Variants in MYO1H observed in about 807,000 individuals in gnomAD.
MYO1H encodes the protein myosin IH, also known as unconventional myosin-Ih.
In MYO1H, 118 loss-of-function variants were observed where a neutral mutation model predicts 149.3. The observed-to-expected ratio is 0.79, with a 90% confidence interval of 0.68 to 0.92. The LOEUF (loss-of-function observed/expected upper bound fraction) is 0.92, where lower values mean the gene tolerates loss of function less well. Ranked by LOEUF, MYO1H falls within the 40% of genes least tolerant of loss-of-function variation. MYO1H has a pLI of 0.00. For missense variants in MYO1H, 1,212 were observed against 1,280.7 expected (o/e 0.95, Z 0.82); for synonymous variants, 447 against 465.2 (o/e 0.96, Z 0.50).
the MYO1H span, among the ~76,000 whole-genome samples, chr12:109,318,528 A>G: frequency 6.6e-6 from 1 of 152,186 alleles, no homozygotes; most frequent in Non-Finnish European, 1.5e-5. Flanking sequence ...AGTGGCTCTC[A>G]TGCTTCCCCA....
At chr12:109,406,729 TAATAAA>T (rs1414153126) in intron 8 of MYO1H, 54 bp from the exon 9 acceptor site, 1 of 1,520,908 alleles carries the variant, frequency 6.6e-7, no homozygotes, top group African/African-American at 1.4e-5. Flanking sequence ...TCTAAAAAAA[TAATAAA>T]AAGCAAGTAA....
At chr12:109,393,256 C>A in intron 2 of MYO1H, 75 bp from the exon 3 acceptor site, 1 of 889,074 alleles carries the variant, frequency 1.1e-6, no homozygotes, top group Non-Finnish European at 1.8e-6. Context: ...GTGGAATGAA[C>A]ACATGGGGAT....
chr12:109,443,393 C>T (rs34585238), intron 27 of MYO1H, 121 bp from the exon 28 acceptor site: 237,518 of 852,356 alleles, frequency 0.28, 40,528 homozygotes, highest in Middle Eastern at 0.37. Context: ...CACACACACA[C>T]ATACACGCAA....
exon 26 of MYO1H, chr12:109,441,662 C>T (rs531620732): frequency 3.7e-6 from 6 of 1,613,188 alleles, no homozygotes; most frequent in Non-Finnish European, 5.1e-6. Context: ...GAAGGAAAGA[C>T]GGCTACACAG....
At chr12:109,313,882 T>G in the MYO1H span, among the ~76,000 whole-genome samples, 35 of 152,178 alleles carry the variant, frequency 2.3e-4, no homozygotes, top group East Asian at 3.7e-3. Flanking sequence ...TTCTTTGGAG[T>G]TTTTTGTTTC....
chr12:109,319,440 C>T, the MYO1H span, among the ~76,000 whole-genome samples: 848 of 152,108 alleles, frequency 5.6e-3, 1 homozygote, highest in Non-Finnish European at 8.9e-3. Context: ...AATGGGAGTG[C>T]TTGTTTAATA....
chr12:109,408,503 C>G (rs948048092), intron 10 of MYO1H, among the ~76,000 whole-genome samples: 3 of 152,122 alleles, frequency 2.0e-5, no homozygotes, highest in Non-Finnish European at 4.4e-5. Context: ...ATTCACCTGA[C>G]ATTTTAAAAA....
At chr12:109,409,650 C>G in intron 11 of MYO1H, 26 bp downstream of exon 11, 1 of 1,557,786 alleles carries the variant, frequency 6.4e-7, no homozygotes, top group Non-Finnish European at 8.9e-7. Context: ...ACCTACCTAT[C>G]TGTCTTTTGC....
intron 4 of MYO1H, among the ~76,000 whole-genome samples, chr12:109,396,833 T>C (rs1490429646): frequency 4.5e-5 from 6 of 133,264 alleles, no homozygotes; most frequent in African/African-American, 1.7e-4. Flanking sequence ...TTTTTTTTTT[T>C]TTTTTTTTTT....
rs978803784 is a variant in MYO1H, at chr12:109,446,067, A to C, written c.3093+455A>C. 3.0e-6 allele frequency: 3 copies of C among 985,086 alleles called. No individual in the cohort carries two copies. The South Asian group carries it at 1.4e-4, about 46-fold the overall frequency. The allele number at this position is 985,086 out of a possible 1,614,324, so 61.0% of individuals were successfully genotyped here. On this transcript the variant is annotated intron_variant, in intron 31 of 31. Coordinates refer to ENST00000310903, the Ensembl canonical transcript of MYO1H. ...ACGTAAGAAAAATATGTAAGAAAGA[A>C]ATGTGTAAAAAATATGTAAGAAAAT...
chr12:109,409,934 T>A, intron 11 of MYO1H, 29 bp from the exon 12 acceptor site: 1 of 1,278,672 alleles, frequency 7.8e-7, no homozygotes. Context: ...TCATATAACT[T>A]TAGTTACTTA....
chr12:109,340,094 G>T, the MYO1H span, among the ~76,000 whole-genome samples: 1 of 152,114 alleles, frequency 6.6e-6, no homozygotes, highest in East Asian at 1.9e-4. Context: ...CTTCTATGGA[G>T]AATCCATACA....
chr12:109,401,854 C>G (rs528645734), intron 6 of MYO1H, among the ~76,000 whole-genome samples: 3 of 152,082 alleles, frequency 2.0e-5, no homozygotes, highest in Middle Eastern at 6.8e-3. Context: ...ATCCTCCCAT[C>G]TCAGCCTCCC....
chr12:109,438,701 C>A, intron 23 of MYO1H, 81 bp downstream of exon 23: 5 of 1,066,566 alleles, frequency 4.7e-6, no homozygotes, highest in Non-Finnish European at 5.5e-6. Flanking sequence ...TAGATGAGTT[C>A]TTTGTGATTT....
At chr12:109,327,754 A>AG in the MYO1H span, among the ~76,000 whole-genome samples, 2 of 150,596 alleles carry the variant, frequency 1.3e-5, no homozygotes, top group African/African-American at 2.4e-5. Context: ...AAAAAAAAAA[A>AG]AAAGAAAGAA....
At chr12:109,351,339 A>G (rs952696046) in intron 1 of MYO1H, among the ~76,000 whole-genome samples, 3 of 152,332 alleles carry the variant, frequency 2.0e-5, no homozygotes, top group African/African-American at 7.2e-5. Context: ...AGCCTCTACT[A>G]TCTTACCTTA....
rs372198621 is a variant in MYO1H at position 109,432,936 on chromosome 12, C to T, written c.1989C>T (p.His663=). 98 of 1,613,988 alleles carry T rather than the reference C, an allele frequency of 6.1e-5. No homozygotes were observed. The African/African-American group carries it at 1.0e-3, about 17-fold the overall frequency. ...GCCCAGACACCTGGCCGCACTGGCA[C>T]GGGCCTCCAGCAGAGGGCGTGGAAC... The change falls in exon 20 of 32, where the codon CAC becomes CAT. Residue 663 remains histidine (H), a synonymous_variant. Transcript: ENST00000310903.
rs145366795 is a variant in MYO1H, at chr12:109,362,670, T to A, written c.12+14698T>A. Among the ~76,000 whole-genome samples, 131 of 152,292 alleles carry A rather than the reference T, an allele frequency of 8.6e-4. 1 individual carries two copies. Among genetic ancestry groups the A allele is most frequent in the African/African-American group, 3.0e-3 (123 of 41,570 alleles). ...ACCGGGAGAAACTTAGCAAGGCCTG[T>A]TTGTCCACATTCTTCTTGGTATTTC... is the stretch of plus-strand genomic sequence containing the variant. On this transcript the variant is annotated intron_variant, in intron 1 of 31. Transcript: ENST00000310903.
At position 109,431,375 on chromosome 12, in the gene MYO1H, G is replaced by A. The variant is rs146445771; in HGVS notation, c.1950-1522G>A. Among the ~76,000 whole-genome samples, 1,313 of 152,058 alleles carry A rather than the reference G, an allele frequency of 8.6e-3. 8 individuals carry two copies. Among genetic ancestry groups the A allele is most frequent in the Non-Finnish European group, 0.014 (933 of 67,990 alleles). On this transcript the variant is annotated intron_variant, in intron 19 of 31. Coordinates refer to ENST00000310903, the Ensembl canonical transcript of MYO1H. ...AGCCTGGGTGACAGAGCAAGACTCC[G>A]TCTCAAAAATAAATAAATAAATAAC... is the stretch of plus-strand genomic sequence containing the variant.
Sources: allele counts gnomAD v4.1 joint callset (sites outside exome capture counted in the v4.1 genomes callset), GRCh38; gene constraint gnomAD v4.1.1; transcripts MANE v1.5; gene names NCBI Gene and HGNC (gene_info 2026-07-23, HGNC 2026-07-21).